SYNE2: variants seen among roughly 807,000 people sequenced by gnomAD.
The protein encoded by SYNE2 is spectrin repeat containing nuclear envelope protein 2.
SYNE2 carries 431 observed loss-of-function variants against 856.3 expected under a neutral mutation model. That is an observed-to-expected ratio of 0.50 (90% confidence interval 0.47 to 0.55). The LOEUF (loss-of-function observed/expected upper bound fraction) is 0.55. Ranked by LOEUF, SYNE2 falls within the 20% of genes least tolerant of loss-of-function variation. The pLI is 0.00. For synonymous variants in SYNE2, 2,923 were observed against 2,872.3 expected (o/e 1.02, Z -0.56); for missense variants, 8,129 against 8,023.2 (o/e 1.01, Z -0.50).
At chr14:63,999,128 G>T in intron 27 of SYNE2, 88 bp downstream of exon 27, 2 of 1,253,446 alleles carry the variant, frequency 1.6e-6, no homozygotes, top group Non-Finnish European at 2.3e-6. Flanking sequence ...TTTCTGTTGA[G>T]GTCACATATG....
intron 70 of SYNE2, among the ~76,000 whole-genome samples, chr14:64,123,834 ATGT>A (rs2097915959): frequency 6.6e-6 from 1 of 151,944 alleles, no homozygotes; most frequent in African/African-American, 2.4e-5. Context: ...TGTAGCGTGA[ATGT>A]TGTTATTACT....
Position 64,152,582 on chromosome 14 carries a change from G to T in SYNE2, c.15658G>T (p.Ala5220Ser). Residue 5220 changes from alanine (A) to serine (S), a missense_variant, in exon 85 of 116, where the codon GCA (alanine) becomes TCA (serine). Physicochemically the swap from Ala to Ser is moderately conservative, Grantham distance 99 (BLOSUM62 1). Coordinates refer to ENST00000555002, the MANE Select transcript of SYNE2 (RefSeq NM_182914.3). ...LDCQDIENQL[A>S]IKSKALDELK... ...CTTCCAGGATATAGAAAATCAACTT[G>T]CAATTAAATCCAAAGCACTAGATGA... 6.2e-7 allele frequency: 1 copy of T among 1,614,012 alleles called. No individual in the cohort carries two copies. Among genetic ancestry groups the T allele is most frequent in the East Asian group, 2.2e-5 (1 of 44,858 alleles).
chr14:63,924,588 C>CG (rs1030998083), intron 2 of SYNE2, among the ~76,000 whole-genome samples: 5 of 152,068 alleles, frequency 3.3e-5, no homozygotes, highest in Admixed American at 2.0e-4. Context: ...TTTGTTAAAT[C>CG]TATTGGTAAG....
Position 63,940,666 on chromosome 14 carries a change from G to A in SYNE2, c.132G>A (p.Gln44=). Residue 44 remains glutamine, a synonymous_variant, in exon 3 of 116, where the codon CAG becomes CAA. Coordinates refer to ENST00000555002, the MANE Select transcript of SYNE2 (RefSeq NM_182914.3). ...KKAFTCWINS[Q]LARHTSPSVI... is the part of the protein sequence containing the mutation. ...CCTTCACGTGCTGGATAAACTCACA[G>A]TTGGCCAGGGTAAGCAAATGAAGAC... 6 of 1,614,108 alleles carry A rather than the reference G, an allele frequency of 3.7e-6. No homozygotes were observed. Among genetic ancestry groups the A allele is most frequent in the Non-Finnish European group, 5.1e-6 (6 of 1,179,982 alleles).
intron 1 of SYNE2, among the ~76,000 whole-genome samples, chr14:63,872,432 CAA>C (rs35493713): frequency 2.0e-4 from 28 of 142,072 alleles, no homozygotes; most frequent in South Asian, 2.2e-4. Context: ...GACACCATCT[CAA>C]AAAAAAAAAA....
chr14:64,168,902 A>T lies in SYNE2; in HGVS notation c.16931A>T (p.Asn5644Ile). Reference protein sequence around the residue: ...YKMLEAEVSINQTIADSYVTQ... With the variant: ...YKMLEAEVSIIQTIADSYVTQ... ...ATGTTAGAAGCTGAAGTTTCTATAA[A>T]CCAGACAATTGCTGATTCCTATGTC... Residue 5644 changes from asparagine (N) to isoleucine (I), a missense_variant, in exon 93 of 116, where the codon AAC becomes ATC. Transcript: ENST00000555002. 2 of 1,614,056 alleles carry T rather than the reference A, an allele frequency of 1.2e-6. No homozygotes were observed. The highest frequency in any genetic ancestry group is 1.7e-6 in the Non-Finnish European group (2 of 1,179,942).
upstream of SYNE2, among the ~76,000 whole-genome samples, chr14:63,852,603 C>T (rs921560043): frequency 1.3e-5 from 2 of 152,168 alleles, no homozygotes; most frequent in African/African-American, 4.8e-5. Context: ...GGTGAAATGA[C>T]TTGCTCATGG....
At chr14:63,861,344 C>T (rs1282555502) in intron 1 of SYNE2, among the ~76,000 whole-genome samples, 1 of 151,842 alleles carries the variant, frequency 6.6e-6, no homozygotes, top group Non-Finnish European at 1.5e-5. Flanking sequence ...GGGGTTTCAC[C>T]ATGTTGGTCA....
rs369086748 is a variant in SYNE2 at position 64,122,436 on chromosome 14, G to T, written c.13422+9G>T. On this transcript the variant is annotated intron_variant, in intron 70 of 115. Coordinates refer to ENST00000555002, the MANE Select transcript of SYNE2 (RefSeq NM_182914.3). ...AGCTTGTGGAGCCTCAGGTCAGTCT[G>T]TATCTACATGGTGCAAATAGCCTGT... The T allele has an allele frequency of 1.9e-6, 3 of 1,614,164 alleles. No homozygotes were observed. The highest frequency in any genetic ancestry group is 2.2e-5 in the South Asian group (2 of 91,080).
intron 93 of SYNE2, among the ~76,000 whole-genome samples, 189 bp from the exon 94 acceptor site, chr14:64,170,039 A>G (rs1162979323): frequency 6.6e-6 from 1 of 152,226 alleles, no homozygotes; most frequent in Non-Finnish European, 1.5e-5. Context: ...TGCTAAACTC[A>G]GTCTGCATGC....
In SYNE2 at chr14:64,165,350, T is replaced by G; in HGVS notation, c.16545T>G (p.His5515Gln). 2 of 1,613,578 alleles carry G rather than the reference T, an allele frequency of 1.2e-6. No homozygotes were observed. The highest frequency in any genetic ancestry group is 1.7e-6 in the Non-Finnish European group (2 of 1,179,576). Residue 5515 changes from histidine to glutamine, a missense_variant, in exon 90 of 116, where the codon CAT becomes CAG. By Grantham distance (24) the His-to-Gln change is conservative (BLOSUM62 0). Coordinates refer to ENST00000555002, the MANE Select transcript of SYNE2 (RefSeq NM_182914.3). ...AATCTTTAAAAGGTCTTATTATGCA[T>G]GAAGAAGAGAATTTGGATAGACTTC... ...RLESLKGLIM[H>Q]EEENLDRLHQ...
At position 63,984,303 on chromosome 14, in the gene SYNE2, C is replaced by T. The variant is rs562763063; in HGVS notation, c.2151+417C>T. On this transcript the variant is annotated intron_variant, in intron 18 of 115. Coordinates refer to ENST00000555002, the MANE Select transcript of SYNE2 (RefSeq NM_182914.3). ...GGTAAATGTGTGGATTGCTAGATAA[C>T]ATTTAAAGTATGGTCATTTCCTAGG... Among the ~76,000 whole-genome samples the T allele has an allele frequency of 9.2e-5, 14 of 152,326 alleles. No homozygotes were observed. In the East Asian group the frequency reaches 2.7e-3, roughly 29 times the overall value.
chr14:64,046,611 C>T (rs1423874257), intron 45 of SYNE2, among the ~76,000 whole-genome samples: 2 of 152,226 alleles, frequency 1.3e-5, no homozygotes, highest in African/African-American at 4.8e-5. Context: ...CTACCTCGGC[C>T]TCCCAAAGTG....
intron 99 of SYNE2, among the ~76,000 whole-genome samples, chr14:64,196,262 G>C (rs1373254288): frequency 6.6e-6 from 1 of 152,156 alleles, no homozygotes. Flanking sequence ...ATGATATCAA[G>C]TCTCAGAATA....
Position 63,981,255 on chromosome 14 carries a change from A to C in SYNE2, c.1836+82A>C, listed in dbSNP as rs552322686. On this transcript the variant is annotated intron_variant, in intron 16 of 115. Transcript: ENST00000555002. Reference sequence around the variant, plus strand: ...GACCCTCATTTTCAATCCAAAGATGAGAAAACAGAGAAGAGTACACCAGTG... The same window carrying C: ...GACCCTCATTTTCAATCCAAAGATGCGAAAACAGAGAAGAGTACACCAGTG... The C allele has an allele frequency of 8.1e-6, 10 of 1,232,836 alleles. No individual in the cohort carries two copies. The East Asian group carries it at 2.1e-4, about 26-fold the overall frequency. The allele number at this position is 1,232,836 out of a possible 1,614,324, so 76.4% of individuals were successfully genotyped here.
rs560650973 is a variant in SYNE2 at position 63,951,200 on chromosome 14, G to T, written c.590+1194G>T. 5.9e-5 allele frequency among the ~76,000 whole-genome samples: 9 copies of T among 152,140 alleles called. No individual in the cohort carries two copies. In the South Asian group the frequency reaches 1.7e-3, roughly 28 times the overall value. ...CATCATAGCATTGTTAGGTAAATAGGGTCATAAATATGTTGCTAAGCCCTT... is the reference window on the plus strand; with the variant it reads ...CATCATAGCATTGTTAGGTAAATAGTGTCATAAATATGTTGCTAAGCCCTT... On this transcript the variant is annotated intron_variant, in intron 7 of 115. Transcript: ENST00000555002.
intron 10 of SYNE2, among the ~76,000 whole-genome samples, chr14:63,966,431 G>C (rs2096392637): frequency 6.6e-6 from 1 of 152,108 alleles, no homozygotes; most frequent in South Asian, 2.1e-4. Flanking sequence ...ACTGAGGTGG[G>C]AGGTTCACTT....
At chr14:64,088,807 A>T (rs540589179) in intron 58 of SYNE2, among the ~76,000 whole-genome samples, 1 of 152,180 alleles carries the variant, frequency 6.6e-6, no homozygotes, top group Non-Finnish European at 1.5e-5. Context: ...TTACTCAGTT[A>T]CATTCCCTAC....
chr14:63,764,919 G>A (rs927784560), intron 1 of SYNE2, among the ~76,000 whole-genome samples: 1 of 152,150 alleles, frequency 6.6e-6, no homozygotes, highest in Non-Finnish European at 1.5e-5. Context: ...CTGCATTCCG[G>A]AGTGGGCAAC....
Sources: allele counts gnomAD v4.1 joint callset (sites outside exome capture counted in the v4.1 genomes callset), GRCh38; gene constraint gnomAD v4.1.1; transcripts MANE v1.5; gene names NCBI Gene and HGNC (gene_info 2026-07-23, HGNC 2026-07-21).